The following COL23A1 variants were observed in gnomAD, a reference collection of about 807,000 sequenced individuals.
COL23A1 encodes collagen alpha-1(XXIII) chain.
A neutral mutation model predicts 99.3 loss-of-function variants in COL23A1; 97 were observed. That is an observed-to-expected ratio of 0.98 (90% CI 0.83 to 1.16). The LOEUF is 1.16. Among genes scored for constraint, COL23A1 ranks in the 50% most tolerant of loss-of-function variants. The probability of loss-of-function intolerance (pLI) is 0.00; values close to 1 mark genes in which losing one functional copy is unlikely to be tolerated. For synonymous variants in COL23A1, 320 were observed against 308.2 expected, an observed-to-expected ratio of 1.04 and a Z score of -0.40; for missense variants, 762 against 757.4, an observed-to-expected ratio of 1.01 and a Z score of -0.07.
At chr5:178,555,504 C>T (rs928706568) in intron 2 of COL23A1, among the ~76,000 whole-genome samples, 5 of 152,170 alleles carry the variant, frequency 3.3e-5, no homozygotes, top group African/African-American at 1.2e-4. Context: ...GAGAGGAGAG[C>T]GAGCCCTGAG....
intron 2 of COL23A1, among the ~76,000 whole-genome samples, chr5:178,547,478 C>CT (rs1761654868): frequency 7.1e-6 from 1 of 140,476 alleles, no homozygotes; most frequent in Non-Finnish European, 1.6e-5. Context: ...CCCACACACC[C>CT]ACACACACAC....
At chr5:178,399,828 A>G (rs1260381275) in intron 2 of COL23A1, among the ~76,000 whole-genome samples, 1 of 152,178 alleles carries the variant, frequency 6.6e-6, no homozygotes, top group Non-Finnish European at 1.5e-5. Context: ...GTCTCCAGGG[A>G]AAAATGTACT....
At chr5:178,284,404 G>A (rs1006037035) in intron 5 of COL23A1, among the ~76,000 whole-genome samples, 5 of 152,160 alleles carry the variant, frequency 3.3e-5, no homozygotes, top group African/African-American at 1.2e-4. Context: ...AGCTTTAAAA[G>A]TGTAATACCC....
chr5:178,308,423 G>A lies in COL23A1; in HGVS notation c.362-1504C>T, dbSNP rs534197099. On this transcript the variant is annotated intron_variant, in intron 2 of 28. Transcript: ENST00000390654. This position sits in a 1 kb window ranked among gnomAD's most constrained non-coding sequence, Gnocchi z 5.1. Reference sequence around the variant, plus strand: ...AAGGGCAAAAGTGCATGCCAGGGACGTAGCCCTTGGTTTTCTCCCATCCTG... The same window carrying A: ...AAGGGCAAAAGTGCATGCCAGGGACATAGCCCTTGGTTTTCTCCCATCCTG... Among the ~76,000 whole-genome samples the A allele has an allele frequency of 6.6e-6, 1 of 152,240 alleles. No homozygotes were observed. The highest frequency in any genetic ancestry group is 2.4e-5 in the African/African-American group (1 of 41,532).
chr5:178,425,385 G>A (rs1480194810), intron 2 of COL23A1, among the ~76,000 whole-genome samples: 1 of 151,802 alleles, frequency 6.6e-6, no homozygotes, highest in Non-Finnish European at 1.5e-5. Context: ...TCGCGCCACT[G>A]CACTCCAGCC....
intron 2 of COL23A1, among the ~76,000 whole-genome samples, chr5:178,444,088 C>T (rs933938168): frequency 6.6e-6 from 1 of 151,892 alleles, no homozygotes; most frequent in Non-Finnish European, 1.5e-5. Context: ...TGTCTGTAGT[C>T]CCAGCTACTT....
chr5:178,524,900 G>A (rs145255381), intron 2 of COL23A1, among the ~76,000 whole-genome samples: 57 of 152,344 alleles, frequency 3.7e-4, no homozygotes, highest in Non-Finnish European at 7.6e-4. Flanking sequence ...TGGGAGCCCA[G>A]CACTCTGCGG....
intron 12 of COL23A1, among the ~76,000 whole-genome samples, chr5:178,257,954 C>T (rs1260034590): frequency 1.4e-4 from 21 of 152,230 alleles, no homozygotes; most frequent in Admixed American, 1.4e-3. Flanking sequence ...AATCCCAGCA[C>T]TCTGGTAGGT....
rs1047805219 is a variant in COL23A1, at chr5:178,468,656, G to A, written c.361+92026C>T. On this transcript the variant is annotated intron_variant, in intron 2 of 28. Coordinates refer to ENST00000390654, the MANE Select transcript of COL23A1 (RefSeq NM_173465.4). The surrounding 1 kb of genome is among the most constrained non-coding windows in gnomAD (Gnocchi z 4.2). ...AGGGAAGGGCCGGGTCCGAGGTCAC[G>A]GAGCCTGCAGCTCTCCTCAACTGTG... Among the ~76,000 whole-genome samples, 7 of 152,260 alleles carry A rather than the reference G, an allele frequency of 4.6e-5. No homozygotes were observed. The East Asian group carries it at 9.7e-4, about 21-fold the overall frequency.
At chr5:178,353,605 C>A (rs1385768435) in intron 2 of COL23A1, among the ~76,000 whole-genome samples, 1 of 152,158 alleles carries the variant, frequency 6.6e-6, no homozygotes, top group African/African-American at 2.4e-5. Flanking sequence ...CGCAAATGAC[C>A]TCTTCCCTGG....
chr5:178,445,151 T>C (rs922070667), intron 2 of COL23A1, among the ~76,000 whole-genome samples: 4 of 152,242 alleles, frequency 2.6e-5, no homozygotes, highest in African/African-American at 7.2e-5. Context: ...GATGGCTCTA[T>C]ATTATAAAAT....
intron 2 of COL23A1, among the ~76,000 whole-genome samples, chr5:178,518,857 C>T (rs1419689554): frequency 1.3e-5 from 2 of 149,502 alleles, no homozygotes; most frequent in African/African-American, 2.4e-5. Flanking sequence ...TCCCGGGCGG[C>T]GCTCGCCGGC....
At chr5:178,299,880 AGT>A in intron 3 of COL23A1, among the ~76,000 whole-genome samples, 1 of 151,104 alleles carries the variant, frequency 6.6e-6, no homozygotes, top group East Asian at 1.9e-4. Flanking sequence ...CAGCCTCCCG[AGT>A]AGCTGGGATT....
chr5:178,425,625 T>A (rs1169442813), intron 2 of COL23A1, among the ~76,000 whole-genome samples: 1 of 151,960 alleles, frequency 6.6e-6, no homozygotes, highest in Non-Finnish European at 1.5e-5. Flanking sequence ...CCAACACACG[T>A]CTGGCATTCA....
intron 3 of COL23A1, among the ~76,000 whole-genome samples, chr5:178,292,436 T>G (rs922487933): frequency 2.0e-4 from 30 of 152,176 alleles, no homozygotes; most frequent in African/African-American, 6.8e-4. Context: ...GGCAAAGCCA[T>G]CCCTTGATCA....
At chr5:178,430,670 T>A (rs1766211763) in intron 2 of COL23A1, among the ~76,000 whole-genome samples, 1 of 152,180 alleles carries the variant, frequency 6.6e-6, no homozygotes, top group Admixed American at 6.5e-5. Context: ...AGTTGGATGG[T>A]TTCTTTCAAT....
chr5:178,523,149 T>C (rs1305582287), intron 2 of COL23A1, among the ~76,000 whole-genome samples: 1 of 91,940 alleles, frequency 1.1e-5, no homozygotes, highest in Non-Finnish European at 2.4e-5. Context: ...TAAAAATATA[T>C]ATATATATAT....
intron 2 of COL23A1, among the ~76,000 whole-genome samples, chr5:178,444,254 TC>T (rs1028201643): frequency 6.6e-6 from 1 of 151,772 alleles, no homozygotes; most frequent in Non-Finnish European, 1.5e-5. Context: ...ACAAATCCCA[TC>T]CCCCCCAAAT....
At chr5:178,327,024 G>A (rs1273822531) in intron 2 of COL23A1, among the ~76,000 whole-genome samples, 1 of 152,224 alleles carries the variant, frequency 6.6e-6, no homozygotes, top group East Asian at 1.9e-4. Flanking sequence ...GGCCAAAAAT[G>A]ACTCAATTCT....
Sources: allele counts gnomAD v4.1 joint callset (sites outside exome capture counted in the v4.1 genomes callset), GRCh38; gene constraint gnomAD v4.1.1; non-coding constraint Gnocchi (gnomAD v3.1); transcripts MANE v1.5; gene names NCBI Gene and HGNC (gene_info 2026-07-23, HGNC 2026-07-21).